Variants in SPATA6L observed in about 807,000 individuals in gnomAD.
SPATA6L encodes spermatogenesis associated 6-like protein.
SPATA6L carries 68 observed loss-of-function variants against 49.2 expected under a neutral mutation model. The observed-to-expected ratio is 1.38, with a 90% CI of 1.14 to 1.69. The LOEUF (loss-of-function observed/expected upper bound fraction) is 1.69. SPATA6L is among the 40% of genes most tolerant of loss of function. SPATA6L has a pLI of 0.00. For missense variants in SPATA6L, 668 were observed against 464.3 expected (o/e 1.44, Z -4.03); for synonymous variants, 198 against 165.7 (o/e 1.19, Z -1.50).
chr9:4,623,593 AACATC>A (rs1240023027), intron 6 of SPATA6L, among the ~76,000 whole-genome samples: 1 of 152,182 alleles, frequency 6.6e-6, no homozygotes, highest in African/African-American at 2.4e-5. Context: ...TACTTAAGGA[AACATC>A]ACATATCATC....
chr9:4,654,813 G>A (rs1837738927), intron 3 of SPATA6L, among the ~76,000 whole-genome samples: 1 of 152,164 alleles, frequency 6.6e-6, no homozygotes, highest in African/African-American at 2.4e-5. Flanking sequence ...GTCTGTTACA[G>A]GCACAGGATG....
At chr9:4,630,729 A>G (rs1471964270) in intron 4 of SPATA6L, among the ~76,000 whole-genome samples, 1 of 152,196 alleles carries the variant, frequency 6.6e-6, no homozygotes, top group South Asian at 2.1e-4. Flanking sequence ...AAAGAAGCCA[A>G]CACCTACTGC....
rs375910874 is a variant in SPATA6L, at chr9:4,604,198, A to T, written c.1161T>A (p.His387Gln). Residue 387 changes from histidine (H) to glutamine (Q), a missense_variant, in exon 11 of 12, where the codon CAT becomes CAA. His to Gln is a conservative substitution (Grantham distance 24). Coordinates refer to ENST00000682582, the MANE Select transcript of SPATA6L (RefSeq NM_001353486.2). ...PSYPLKKYSL[H>Q]EQRYF ...CAGTACCTTAAAAATATCTCTGTTC[A>T]TGCAGTGAGTATTTCTTCAGAGGGT... 12 of 1,611,212 alleles carry T rather than the reference A, an allele frequency of 7.4e-6. No individual in the cohort carries two copies. Among genetic ancestry groups the T allele is most frequent in the Non-Finnish European group, 1.0e-5 (12 of 1,178,060 alleles).
At chr9:4,609,369 T>C (rs571393024) in intron 9 of SPATA6L, among the ~76,000 whole-genome samples, 2 of 152,260 alleles carry the variant, frequency 1.3e-5, no homozygotes, top group South Asian at 2.1e-4. Flanking sequence ...ACCAATATCC[T>C]TGATGAACAT....
chr9:4,623,633 T>G (rs1243251334), intron 6 of SPATA6L, among the ~76,000 whole-genome samples: 1 of 152,136 alleles, frequency 6.6e-6, no homozygotes, highest in African/African-American at 2.4e-5. Flanking sequence ...AATAAAAAAA[T>G]TAAATATGTA....
intron 9 of SPATA6L, among the ~76,000 whole-genome samples, chr9:4,612,950 AG>A (rs1312629219): frequency 3.3e-5 from 5 of 152,148 alleles, no homozygotes; most frequent in Non-Finnish European, 5.9e-5. Context: ...ACTTGGGGCC[AG>A]GCGCAGTGGC....
At chr9:4,615,046 C>G (rs1018192561) in intron 9 of SPATA6L, among the ~76,000 whole-genome samples, 29 of 152,146 alleles carry the variant, frequency 1.9e-4, no homozygotes, top group Middle Eastern at 3.2e-3. Flanking sequence ...CCAAACTCCT[C>G]TAACTGCTGG....
intron 1 of SPATA6L, 142 bp downstream of exon 1, chr9:4,666,070 A>T (rs1218293719): frequency 1.1e-5 from 7 of 620,734 alleles, no homozygotes; most frequent in Non-Finnish European, 1.9e-5. Context: ...ATATGGAGAA[A>T]AAGACAAAGG....
intron 3 of SPATA6L, among the ~76,000 whole-genome samples, chr9:4,649,408 G>T (rs1321518875): frequency 6.6e-6 from 1 of 151,972 alleles, no homozygotes; most frequent in African/African-American, 2.4e-5. Flanking sequence ...TTGATTTTTT[G>T]ATTATGGTCA....
chr9:4,641,236 GT>G (rs1234461614), intron 3 of SPATA6L, among the ~76,000 whole-genome samples: 1 of 151,982 alleles, frequency 6.6e-6, no homozygotes, highest in Non-Finnish European at 1.5e-5. Context: ...ATATATTCGT[GT>G]TTATATATAC....
At position 4,599,181 on chromosome 9, in the gene SPATA6L, C is replaced by T. The variant is rs140386337; in HGVS notation, c.*1630G>A. Reference sequence around the variant, plus strand: ...TTCGAATGCATTTGACTGCACCCTGCCACATGCAGTCAGATGTGGAATTTT... The same window carrying T: ...TTCGAATGCATTTGACTGCACCCTGTCACATGCAGTCAGATGTGGAATTTT... On this transcript the variant is annotated 3_prime_UTR_variant, in exon 12 of 12. Transcript: ENST00000682582. Among the ~76,000 whole-genome samples, 33 of 152,276 alleles carry T rather than the reference C, an allele frequency of 2.2e-4. No homozygotes were observed. The highest frequency in any genetic ancestry group is 3.4e-3 in the Middle Eastern group (1 of 294).
chr9:4,643,497 A>G (rs940531093), intron 3 of SPATA6L, among the ~76,000 whole-genome samples: 1 of 152,174 alleles, frequency 6.6e-6, no homozygotes, highest in Admixed American at 6.5e-5. Context: ...ATTTTTATAA[A>G]AATGTGGAAA....
Position 4,618,863 on chromosome 9 carries a change from C to T in SPATA6L, c.807+1G>A, listed in dbSNP as rs1207543146. The T allele has an allele frequency of 3.7e-6, 6 of 1,611,896 alleles. No homozygotes were observed. The highest frequency in any genetic ancestry group is 5.1e-6 in the Non-Finnish European group (6 of 1,178,698). ...TTTACAAATTCTACTTCTAAAATTA[C>T]CTTTACGTTAGCTGCAAGGCTGTCA... On this transcript the variant is annotated splice_donor_variant, in intron 8 of 11. Coordinates refer to ENST00000682582, the MANE Select transcript of SPATA6L (RefSeq NM_001353486.2). LOFTEE classifies it high-confidence loss of function.
intron 13 of SPATA6L, among the ~76,000 whole-genome samples, chr9:4,590,136 C>G (rs1821811558): frequency 6.6e-6 from 1 of 152,150 alleles, no homozygotes; most frequent in Non-Finnish European, 1.5e-5. Flanking sequence ...GTCGGCCAGG[C>G]TGGTCTCAAA....
intron 9 of SPATA6L, among the ~76,000 whole-genome samples, chr9:4,607,032 G>A (rs949606787): frequency 6.6e-6 from 1 of 150,586 alleles, no homozygotes. Flanking sequence ...TCAACTGGAA[G>A]AAAGGGTATC....
At chr9:4,629,886 G>A (rs899290444) in intron 4 of SPATA6L, among the ~76,000 whole-genome samples, 1 of 149,358 alleles carries the variant, frequency 6.7e-6, no homozygotes, top group African/African-American at 2.5e-5. Context: ...ACTGAAAAAT[G>A]GGCAAAAACT....
At position 4,653,180 on chromosome 9, in the gene SPATA6L, G is replaced by C. The variant is rs10974711; in HGVS notation, c.226+2861C>G. ...AATAGACATATGAATCAATAGAATA[G>C]AACTGAGACCCTAAAAGTAAACCCT... On this transcript the variant is annotated intron_variant, in intron 3 of 11. Transcript: ENST00000682582. Among the ~76,000 whole-genome samples the C allele has an allele frequency of 3.7e-3, 563 of 152,314 alleles. 8 individuals carry two copies. The East Asian group carries it at 0.046, about 12-fold the overall frequency.
At chr9:4,657,478 G>C (rs1838557649) in intron 2 of SPATA6L, among the ~76,000 whole-genome samples, 1 of 151,920 alleles carries the variant, frequency 6.6e-6, no homozygotes, top group Admixed American at 6.6e-5. Context: ...GGATAGGGTA[G>C]GCCTCTGATA....
chr9:4,628,042 A>G, intron 5 of SPATA6L: 1 of 351,522 alleles, frequency 2.8e-6, no homozygotes, highest in East Asian at 8.1e-5. Flanking sequence ...TGTGGGAGCT[A>G]AAGATTAAAA....
Sources: allele counts gnomAD v4.1 joint callset (sites outside exome capture counted in the v4.1 genomes callset), GRCh38; gene constraint gnomAD v4.1.1; transcripts MANE v1.5; gene names NCBI Gene and HGNC (gene_info 2026-07-23, HGNC 2026-07-21).